Variants in PIEZO2 observed in about 807,000 individuals in gnomAD.
PIEZO2 encodes the protein piezo type mechanosensitive ion channel component 2, also known as piezo-type mechanosensitive ion channel component 2.
A neutral mutation model predicts 337.3 loss-of-function variants in PIEZO2; 172 were observed. The ratio of observed to expected loss-of-function variants is 0.51; its 90% CI spans 0.45 to 0.58. The LOEUF (loss-of-function observed/expected upper bound fraction) is 0.58. Ranked by LOEUF, PIEZO2 falls within the 20% of genes least tolerant of loss-of-function variation. PIEZO2 has a pLI of 0.00. For missense variants in PIEZO2, 3,028 were observed against 3,391.3 expected (o/e 0.89, Z 2.66); for synonymous variants, 1,251 against 1,228.5 (o/e 1.02, Z -0.38).
chr18:11,109,915 A>G lies in PIEZO2; in HGVS notation c.64+38610T>C, dbSNP rs2039680419. On this transcript the variant is annotated intron_variant, in intron 1 of 55. Coordinates refer to ENST00000674853, the MANE Select transcript of PIEZO2 (RefSeq NM_001378183.1). The surrounding 1 kb of genome is among the most constrained non-coding windows in gnomAD (Gnocchi z 5.1). Reference sequence around the variant, plus strand: ...TTATAGTCATCTAAAGTGGAACGGAAGAATTTATTTTTTAATCAGAAGTCA... The same window carrying G: ...TTATAGTCATCTAAAGTGGAACGGAGGAATTTATTTTTTAATCAGAAGTCA... Among the ~76,000 whole-genome samples the G allele has an allele frequency of 6.6e-6, 1 of 152,168 alleles. No homozygotes were observed. The highest frequency in any genetic ancestry group is 2.4e-5 in the African/African-American group (1 of 41,442).
intron 36 of PIEZO2, among the ~76,000 whole-genome samples, chr18:10,720,645 A>G (rs911749869): frequency 6.6e-6 from 1 of 151,050 alleles, no homozygotes; most frequent in African/African-American, 2.4e-5. Flanking sequence ...CTTTTTAGAG[A>G]TGTTGCTCGG....
chr18:10,699,836 A>G (rs551893241), intron 43 of PIEZO2, among the ~76,000 whole-genome samples: 1 of 152,220 alleles, frequency 6.6e-6, no homozygotes, highest in African/African-American at 2.4e-5. Flanking sequence ...CTGCTGTTGG[A>G]CGGAGCTCTC....
intron 2 of PIEZO2, among the ~76,000 whole-genome samples, chr18:11,046,097 A>G (rs1013186110): frequency 2.6e-5 from 4 of 152,066 alleles, no homozygotes; most frequent in South Asian, 2.1e-4. Context: ...TCCTCCCCCA[A>G]TCAACTGGCT....
Position 10,870,750 on chromosome 18 carries a change from T to A in PIEZO2, c.492+503A>T, listed in dbSNP as rs146780449. Among the ~76,000 whole-genome samples the A allele has an allele frequency of 3.7e-4, 57 of 152,306 alleles. No individual in the cohort carries two copies. The highest frequency in any genetic ancestry group is 1.3e-3 in the African/African-American group (56 of 41,560). ...ACACTTTTCCAAATATGTATGTTTTTCCCCCTTGGAGTGCTTTAAAACAAC... is the reference window on the plus strand; with the variant it reads ...ACACTTTTCCAAATATGTATGTTTTACCCCCTTGGAGTGCTTTAAAACAAC... On this transcript the variant is annotated intron_variant, in intron 5 of 55. Coordinates refer to ENST00000674853, the MANE Select transcript of PIEZO2 (RefSeq NM_001378183.1). The surrounding 1 kb of genome is among the most constrained non-coding windows in gnomAD (Gnocchi z 5.3).
chr18:10,810,036 A>G (rs553683702), intron 7 of PIEZO2, among the ~76,000 whole-genome samples: 2 of 152,214 alleles, frequency 1.3e-5, no homozygotes, highest in Non-Finnish European at 2.9e-5. Flanking sequence ...TGCATTTGGA[A>G]CATCTTCTGT....
At chr18:10,688,809 C>A (rs1338863588) in intron 49 of PIEZO2, among the ~76,000 whole-genome samples, 1 of 152,104 alleles carries the variant, frequency 6.6e-6, no homozygotes, top group Non-Finnish European at 1.5e-5. Context: ...TAGTTGCTAC[C>A]CTCAATGTTC....
At chr18:11,082,448 G>T (rs2038779490) in intron 1 of PIEZO2, among the ~76,000 whole-genome samples, 1 of 151,872 alleles carries the variant, frequency 6.6e-6, no homozygotes, top group Non-Finnish European at 1.5e-5. Flanking sequence ...CTCCAGAGTA[G>T]CTGGGACTAC....
chr18:10,914,662 G>A (rs941269228), intron 3 of PIEZO2, among the ~76,000 whole-genome samples: 1 of 152,092 alleles, frequency 6.6e-6, no homozygotes, highest in African/African-American at 2.4e-5. Flanking sequence ...GATACGGAGG[G>A]CCAACTGTAA....
intron 4 of PIEZO2, among the ~76,000 whole-genome samples, chr18:10,885,524 A>C (rs1248216946): frequency 6.6e-6 from 1 of 152,144 alleles, no homozygotes; most frequent in Admixed American, 6.6e-5. Context: ...TGGGGTTTGA[A>C]GGCAGTCTGA....
In PIEZO2 at chr18:11,028,332, C is replaced by T. The variant is rs1267399342; in HGVS notation, c.160+37795G>A. Among the ~76,000 whole-genome samples, 1 of 151,994 alleles carries T rather than the reference C, an allele frequency of 6.6e-6. No homozygotes were observed. The highest frequency in any genetic ancestry group is 1.9e-4 in the East Asian group (1 of 5,174). On this transcript the variant is annotated intron_variant, in intron 2 of 55. Coordinates refer to ENST00000674853, the MANE Select transcript of PIEZO2 (RefSeq NM_001378183.1). The surrounding 1 kb of genome is among the most constrained non-coding windows in gnomAD (Gnocchi z 4.8). ...CTGGAGTGCAATGGCGTGATCTCGG[C>T]TCATTGCAACCTCTGCCTCCCAGGT...
chr18:10,865,143 T>G (rs2041972725), intron 5 of PIEZO2, among the ~76,000 whole-genome samples: 1 of 151,472 alleles, frequency 6.6e-6, no homozygotes, highest in Non-Finnish European at 1.5e-5. Context: ...AGTGAGGGAG[T>G]GGGGCAAAAG....
At chr18:10,959,207 G>A (rs2033664621) in intron 3 of PIEZO2, among the ~76,000 whole-genome samples, 1 of 152,054 alleles carries the variant, frequency 6.6e-6, no homozygotes. Context: ...TTTTCCATTT[G>A]TCTTTGTATT....
In PIEZO2 at chr18:11,127,207, G is replaced by T. The variant is rs1020981530; in HGVS notation, c.64+21318C>A. On this transcript the variant is annotated intron_variant, in intron 1 of 55. Coordinates refer to ENST00000674853, the MANE Select transcript of PIEZO2 (RefSeq NM_001378183.1). This position sits in a 1 kb window ranked among gnomAD's most constrained non-coding sequence, Gnocchi z 4.5. Reference sequence around the variant, plus strand: ...CAGGTGTTTGAGGGGTGCGGAAAGAGGTCCCTGAGGAGGTGACATTTAGGC... The same window carrying T: ...CAGGTGTTTGAGGGGTGCGGAAAGATGTCCCTGAGGAGGTGACATTTAGGC... 1.3e-5 allele frequency among the ~76,000 whole-genome samples: 2 copies of T among 152,170 alleles called. No individual in the cohort carries two copies. Among genetic ancestry groups the T allele is most frequent in the African/African-American group, 4.8e-5 (2 of 41,438 alleles).
chr18:10,747,007 A>C (rs2037450392), intron 30 of PIEZO2, among the ~76,000 whole-genome samples: 1 of 152,128 alleles, frequency 6.6e-6, no homozygotes, highest in Non-Finnish European at 1.5e-5. Flanking sequence ...GGTGAACATC[A>C]CCTCTTTGTA....
rs1305000287 is a variant in PIEZO2, at chr18:10,854,184, T to TG, written c.917+1168dup. On this transcript the variant is annotated intron_variant, in intron 7 of 55. Transcript: ENST00000674853. This position sits in a 1 kb window ranked among gnomAD's most constrained non-coding sequence, Gnocchi z 4.6. ...TCCTAGCCTTTATATTTTCTGTAAATGGGAGGTTAGGTCAAAAGTCTTAAC... is the reference window on the plus strand; with the variant it reads ...TCCTAGCCTTTATATTTTCTGTAAATGGGGAGGTTAGGTCAAAAGTCTTAAC... Among the ~76,000 whole-genome samples the TG allele has an allele frequency of 2.0e-5, 3 of 152,208 alleles. No homozygotes were observed. Among genetic ancestry groups the TG allele is most frequent in the Non-Finnish European group, 2.9e-5 (2 of 68,038 alleles).
In PIEZO2 at chr18:11,099,479, C is replaced by G. The variant is rs1270749614; in HGVS notation, c.65-33257G>C. On this transcript the variant is annotated intron_variant, in intron 1 of 55. Coordinates refer to ENST00000674853, the MANE Select transcript of PIEZO2 (RefSeq NM_001378183.1). This position sits in a 1 kb window ranked among gnomAD's most constrained non-coding sequence, Gnocchi z 5.4. The stretch of plus-strand genomic sequence containing the variant: ...CAATTTATATCTTTATTCTTTTTTT[C>G]TTTTTGAGACAGAGTCTCACTTTGT... Among the ~76,000 whole-genome samples the G allele has an allele frequency of 9.2e-5, 14 of 151,734 alleles. No individual in the cohort carries two copies. Among genetic ancestry groups the G allele is most frequent in the Non-Finnish European group, 1.3e-4 (9 of 67,910 alleles).
intron 36 of PIEZO2, among the ~76,000 whole-genome samples, chr18:10,718,815 C>A (rs1357264868): frequency 6.6e-6 from 1 of 151,834 alleles, no homozygotes; most frequent in East Asian, 1.9e-4. Flanking sequence ...AGTTTGAGAC[C>A]AGCCTGGGCA....
chr18:10,804,116 A>G, intron 8 of PIEZO2, 122 bp from the exon 9 acceptor site: 2 of 1,174,744 alleles, frequency 1.7e-6, no homozygotes, highest in Non-Finnish European at 1.2e-6. Context: ...AATGTTTACA[A>G]TATACAGGAT....
intron 2 of PIEZO2, among the ~76,000 whole-genome samples, chr18:11,022,775 G>A (rs761558346): frequency 6.6e-6 from 1 of 152,206 alleles, no homozygotes; most frequent in South Asian, 2.1e-4. Context: ...AGGCTATTTT[G>A]TCCAGAATTG....
Sources: allele counts gnomAD v4.1 joint callset (sites outside exome capture counted in the v4.1 genomes callset), GRCh38; gene constraint gnomAD v4.1.1; non-coding constraint Gnocchi (gnomAD v3.1); transcripts MANE v1.5; gene names NCBI Gene and HGNC (gene_info 2026-07-23, HGNC 2026-07-21).